Variants in ABHD2 observed in about 807,000 individuals in gnomAD.
ABHD2 encodes monoacylglycerol lipase ABHD2.
A neutral mutation model predicts 48.1 loss-of-function variants in ABHD2; 20 were observed. That is an observed-to-expected ratio of 0.42 (90% CI 0.29 to 0.60). The LOEUF (loss-of-function observed/expected upper bound fraction) is 0.60, where lower values mean the gene tolerates loss of function less well. Ranked by LOEUF, ABHD2 falls within the 20% of genes least tolerant of loss-of-function variation. The pLI is 0.24. For missense variants in ABHD2, 405 were observed against 550.9 expected (o/e 0.74, Z 2.65); for synonymous variants, 209 against 214.2 (o/e 0.98, Z 0.21).
chr15:89,138,523 G>C (rs1338759603), intron 3 of ABHD2, among the ~76,000 whole-genome samples: 1 of 152,032 alleles, frequency 6.6e-6, no homozygotes, highest in Non-Finnish European at 1.5e-5. Context: ...AATTAAATGT[G>C]AATATTCAAA....
intron 3 of ABHD2, among the ~76,000 whole-genome samples, chr15:89,147,766 C>A (rs1205581396): frequency 2.6e-5 from 4 of 151,534 alleles, no homozygotes; most frequent in African/African-American, 9.7e-5. Context: ...ATACTTTTAA[C>A]TATAAAAGAT....
intron 3 of ABHD2, among the ~76,000 whole-genome samples, chr15:89,130,417 G>A (rs766757659): frequency 7.2e-5 from 11 of 152,184 alleles, no homozygotes; most frequent in Non-Finnish European, 1.6e-4. Context: ...ACCGGAAATG[G>A]CACTTGGTCA....
rs2050984440 is a variant in ABHD2 at position 89,174,757 on chromosome 15, T to C, written c.539-1055T>C. Among the ~76,000 whole-genome samples, 1 of 152,220 alleles carries C rather than the reference T, an allele frequency of 6.6e-6. No homozygotes were observed. Among genetic ancestry groups the C allele is most frequent in the Non-Finnish European group, 1.5e-5 (1 of 68,026 alleles). On this transcript the variant is annotated intron_variant, in intron 5 of 10. Coordinates refer to ENST00000352732, the MANE Select transcript of ABHD2 (RefSeq NM_152924.5). This position sits in a 1 kb window ranked among gnomAD's most constrained non-coding sequence, Gnocchi z 4.1. ...CATGTTAGATTTTAAATTGGCTCCC[T>C]ACAGAGTTTGAGGTTGGGCCTTAGA... is the stretch of plus-strand genomic sequence containing the variant.
chr15:89,107,527 G>A (rs903323790), intron 1 of ABHD2, among the ~76,000 whole-genome samples: 5 of 152,206 alleles, frequency 3.3e-5, no homozygotes, highest in South Asian at 2.1e-4. Flanking sequence ...TGGTAATAGC[G>A]AATATTTTGC....
the ABHD2 span, among the ~76,000 whole-genome samples, chr15:89,055,541 C>T: frequency 6.6e-6 from 1 of 151,976 alleles, no homozygotes; most frequent in Non-Finnish European, 1.5e-5. Flanking sequence ...CACCATGTTG[C>T]CCAAGCTGGT....
rs868463552 is a variant in ABHD2 at position 89,182,478 on chromosome 15, A to G, written c.723-2946A>G. On this transcript the variant is annotated intron_variant, in intron 6 of 10. Transcript: ENST00000352732. The surrounding 1 kb of genome is among the most constrained non-coding windows in gnomAD (Gnocchi z 4.8). ...TCTTCTGGAGAACATAGCTATCTAG[A>G]GGCAAGTCAAGAACTTGGATATTCA... 1.3e-5 allele frequency among the ~76,000 whole-genome samples: 2 copies of G among 152,152 alleles called. No individual in the cohort carries two copies. Among genetic ancestry groups the G allele is most frequent in the Middle Eastern group, 3.2e-3 (1 of 316 alleles).
rs536452674 is a variant in ABHD2 at position 89,182,343 on chromosome 15, C to T, written c.723-3081C>T. 1.3e-5 allele frequency among the ~76,000 whole-genome samples: 2 copies of T among 152,278 alleles called. No homozygotes were observed. The highest frequency in any genetic ancestry group is 1.9e-4 in the East Asian group (1 of 5,178). Reference sequence around the variant, plus strand: ...GCCATTCCCTCCCTGTAATTCTGCCCGAGCTGCCCCTCCCAGGGTTCCACA... The same window carrying T: ...GCCATTCCCTCCCTGTAATTCTGCCTGAGCTGCCCCTCCCAGGGTTCCACA... On this transcript the variant is annotated intron_variant, in intron 6 of 10. Coordinates refer to ENST00000352732, the MANE Select transcript of ABHD2 (RefSeq NM_152924.5). The surrounding 1 kb of genome is among the most constrained non-coding windows in gnomAD (Gnocchi z 4.8).
chr15:89,085,017 A>T (rs1470472472), upstream of ABHD2, among the ~76,000 whole-genome samples: 1 of 152,148 alleles, frequency 6.6e-6, no homozygotes, highest in African/African-American at 2.4e-5. The surrounding 1 kb of genome is among the most constrained non-coding windows in gnomAD (Gnocchi z 4.2). Context: ...AAAATGACAA[A>T]CTGAGTGAAT....
chr15:89,129,277 G>A (rs150693452), intron 3 of ABHD2, among the ~76,000 whole-genome samples: 80 of 152,192 alleles, frequency 5.3e-4, no homozygotes, highest in African/African-American at 1.9e-3. Flanking sequence ...AAGAGACAGA[G>A]ACAGGCAGTA....
Position 89,201,454 on chromosome 15 carries a change from G to T in ABHD2, c.*6031G>T. 1 of 1,416,404 alleles carries T rather than the reference G, an allele frequency of 7.1e-7. No homozygotes were observed. The highest frequency in any genetic ancestry group is 1.2e-5 in the South Asian group (1 of 83,786). The allele number at this position is 1,416,404 out of a possible 1,614,324, so 87.7% of individuals were successfully genotyped here. ...CCATTTGGAATCCATTAATTCATGA[G>T]GTTTTGCCTCATTCCACACAGCTTC... On this transcript the variant is annotated 3_prime_UTR_variant, in exon 11 of 11. Transcript: ENST00000352732.
intron 1 of ABHD2, among the ~76,000 whole-genome samples, chr15:89,107,894 C>A (rs955011281): frequency 6.6e-6 from 1 of 152,190 alleles, no homozygotes; most frequent in Non-Finnish European, 1.5e-5. Flanking sequence ...CTGTCTGTGT[C>A]CTCTGAGCTC....
At chr15:89,076,005 G>C in the ABHD2 span, among the ~76,000 whole-genome samples, 1 of 152,202 alleles carries the variant, frequency 6.6e-6, no homozygotes, top group South Asian at 2.1e-4. Context: ...GAGGAGTAGA[G>C]GAAGAGAGAA....
At chr15:89,062,364 G>C in the ABHD2 span, among the ~76,000 whole-genome samples, 3 of 151,858 alleles carry the variant, frequency 2.0e-5, no homozygotes, top group African/African-American at 7.3e-5. Context: ...TTTTGTGTGG[G>C]GGGGTGGGTT....
rs2050026786 is a variant in ABHD2 at position 89,120,194 on chromosome 15, G to C, written c.194+3673G>C. Among the ~76,000 whole-genome samples the C allele has an allele frequency of 1.3e-5, 2 of 152,142 alleles. No homozygotes were observed. Among genetic ancestry groups the C allele is most frequent in the South Asian group, 4.1e-4 (2 of 4,822 alleles). ...TCTGTTCTAAGATGATTTACCCAAA[G>C]ATACATTATAAATTAATCTTTTAAT... On this transcript the variant is annotated intron_variant, in intron 3 of 10. Coordinates refer to ENST00000352732, the MANE Select transcript of ABHD2 (RefSeq NM_152924.5). This position sits in a 1 kb window ranked among gnomAD's most constrained non-coding sequence, Gnocchi z 4.2.
chr15:89,152,217 A>T (rs946669594), intron 4 of ABHD2, among the ~76,000 whole-genome samples: 1 of 151,898 alleles, frequency 6.6e-6, no homozygotes, highest in African/African-American at 2.4e-5. Flanking sequence ...CTGGGACTAC[A>T]GGCGCCAGCC....
rs1236647329 is a variant in ABHD2, at chr15:89,149,958, TG to T, written c.195-1713del. Reference sequence around the variant, plus strand: ...CAAGACTAGAGGCTTGGAGGCCGCTTGGGGGGCTGCTGCCAAGATTTTGAGG... The same window carrying T: ...CAAGACTAGAGGCTTGGAGGCCGCTTGGGGGCTGCTGCCAAGATTTTGAGG... On this transcript the variant is annotated intron_variant, in intron 3 of 10. Coordinates refer to ENST00000352732, the MANE Select transcript of ABHD2 (RefSeq NM_152924.5). 3.9e-5 allele frequency among the ~76,000 whole-genome samples: 6 copies of T among 152,168 alleles called. No individual in the cohort carries two copies. In the South Asian group the frequency reaches 1.2e-3, roughly 32 times the overall value.
intron 5 of ABHD2, among the ~76,000 whole-genome samples, chr15:89,163,894 C>A (rs1017456437): frequency 6.6e-6 from 1 of 152,210 alleles, no homozygotes; most frequent in Non-Finnish European, 1.5e-5. Context: ...AATGAGTGGG[C>A]AGCCCAGGCT....
rs537439904 is a variant in ABHD2, at chr15:89,146,847, T to G, written c.195-4830T>G. ...GGGACACATCAGTATTGTAAAGGTG[T>G]CAATTATCTCCTAGGTAATATATAT... On this transcript the variant is annotated intron_variant, in intron 3 of 10. Transcript: ENST00000352732. This position sits in a 1 kb window ranked among gnomAD's most constrained non-coding sequence, Gnocchi z 4.2. 2.1e-3 allele frequency among the ~76,000 whole-genome samples: 314 copies of G among 152,344 alleles called. No individual in the cohort carries two copies. Among genetic ancestry groups the G allele is most frequent in the African/African-American group, 7.1e-3 (294 of 41,578 alleles).
chr15:89,201,838 G>T lies in ABHD2; in HGVS notation c.*6415G>T. Reference sequence around the variant, plus strand: ...GCGCAGAGCAGGGGGCGGCTTGCTCGCTGGGGGCGGGGGACGATGGCGAGA... The same window carrying T: ...GCGCAGAGCAGGGGGCGGCTTGCTCTCTGGGGGCGGGGGACGATGGCGAGA... On this transcript the variant is annotated 3_prime_UTR_variant, in exon 11 of 11. Transcript: ENST00000352732. 1.9e-6 allele frequency: 2 copies of T among 1,060,622 alleles called. No individual in the cohort carries two copies. Among genetic ancestry groups the T allele is most frequent in the South Asian group, 1.3e-5 (1 of 77,186 alleles). The allele number at this position is 1,060,622 out of a possible 1,614,324, so 65.7% of individuals were successfully genotyped here.
Sources: allele counts gnomAD v4.1 joint callset (sites outside exome capture counted in the v4.1 genomes callset), GRCh38; gene constraint gnomAD v4.1.1; non-coding constraint Gnocchi (gnomAD v3.1); transcripts MANE v1.5; gene names NCBI Gene and HGNC (gene_info 2026-07-23, HGNC 2026-07-21).